Variants in GBF1 observed in about 807,000 individuals in gnomAD.
GBF1 encodes Golgi-specific brefeldin A-resistance guanine nucleotide exchange factor 1.
Under a neutral mutation model 210.5 loss-of-function variants are expected in GBF1, and 114 were observed. The ratio of observed to expected loss-of-function variants is 0.54; its 90% CI spans 0.47 to 0.63. The LOEUF is 0.63. Ranked by LOEUF, GBF1 falls within the 30% of genes least tolerant of loss-of-function variation. The pLI is 0.00. For synonymous variants in GBF1, 850 were observed against 889.2 expected, an observed-to-expected ratio of 0.96 and a Z score of 0.78; for missense variants, 1,851 against 2,357.7, an observed-to-expected ratio of 0.79 and a Z score of 4.45.
intron 3 of GBF1, among the ~76,000 whole-genome samples, chr10:102,308,166 A>G (rs146998586): frequency 2.0e-5 from 3 of 146,560 alleles, no homozygotes; most frequent in Non-Finnish European, 4.5e-5. Flanking sequence ...AAAGATGTTT[A>G]TGAGAATGTT....
rs111789697 is a variant in GBF1 at position 102,281,067 on chromosome 10, A to G, written c.163+20951A>G. On this transcript the variant is annotated intron_variant, in intron 3 of 39. Transcript: ENST00000369983. Reference sequence around the variant, plus strand: ...TGTTTCTACATTTGAAGTTGGGAGTAGAGATCAGATCTGTTTCAGCCAGTT... The same window carrying G: ...TGTTTCTACATTTGAAGTTGGGAGTGGAGATCAGATCTGTTTCAGCCAGTT... 6.6e-5 allele frequency among the ~76,000 whole-genome samples: 10 copies of G among 152,336 alleles called. 1 individual carries two copies. Among genetic ancestry groups the G allele is most frequent in the African/African-American group, 2.2e-4 (9 of 41,572 alleles).
the GBF1 span, among the ~76,000 whole-genome samples, chr10:102,233,120 T>C: frequency 6.6e-6 from 1 of 152,082 alleles, no homozygotes; most frequent in Non-Finnish European, 1.5e-5. Flanking sequence ...TATTATTTTA[T>C]TTTTCTGATC....
chr10:102,262,648 G>A (rs373674623), intron 3 of GBF1, among the ~76,000 whole-genome samples: 3 of 152,106 alleles, frequency 2.0e-5, no homozygotes, highest in African/African-American at 7.2e-5. Context: ...TCCTGACAGA[G>A]CCACATTTCC....
chr10:102,342,412 C>T (rs936634914), intron 3 of GBF1, among the ~76,000 whole-genome samples: 3 of 151,836 alleles, frequency 2.0e-5, no homozygotes, highest in African/African-American at 7.3e-5. Context: ...CACACACTCA[C>T]ACACAGACAC....
intron 3 of GBF1, among the ~76,000 whole-genome samples, chr10:102,301,592 G>T (rs1289137402): frequency 6.6e-6 from 1 of 152,156 alleles, no homozygotes; most frequent in African/African-American, 2.4e-5. Flanking sequence ...CTCAGACGGG[G>T]CGGCCGGGCA....
At chr10:102,244,877 G>A (rs903852926), upstream of GBF1, among the ~76,000 whole-genome samples, 14 of 152,150 alleles carry the variant, frequency 9.2e-5, no homozygotes, top group Admixed American at 8.5e-4. Flanking sequence ...TAGATATCCA[G>A]GGCTTCTGCT....
chr10:102,270,667 A>G (rs1015581661), intron 3 of GBF1, among the ~76,000 whole-genome samples: 1 of 152,210 alleles, frequency 6.6e-6, no homozygotes, highest in African/African-American at 2.4e-5. Context: ...ATGAATCCTA[A>G]ATAAGGATGT....
intron 4 of GBF1, among the ~76,000 whole-genome samples, chr10:102,348,885 C>T (rs2058750331): frequency 1.3e-5 from 2 of 152,190 alleles, no homozygotes; most frequent in Admixed American, 1.3e-4. Flanking sequence ...CACAGTGGCT[C>T]ACACCTGTAA....
At chr10:102,308,975 A>C (rs2078175958) in intron 3 of GBF1, among the ~76,000 whole-genome samples, 1 of 152,258 alleles carries the variant, frequency 6.6e-6, no homozygotes, top group South Asian at 2.1e-4. Context: ...GTGGTTTAAG[A>C]AGTTAGAATA....
intron 3 of GBF1, among the ~76,000 whole-genome samples, chr10:102,281,462 A>G (rs2075469958): frequency 6.6e-6 from 1 of 151,894 alleles, no homozygotes; most frequent in South Asian, 2.1e-4. Context: ...CTAGAACTTT[A>G]TAATTTATAA....
chr10:102,361,120 GGT>G lies in GBF1; in HGVS notation c.1491+2_1491+3del. 6.6e-7 allele frequency: 1 copy of G among 1,522,770 alleles called. No individual in the cohort carries two copies. Among genetic ancestry groups the G allele is most frequent in the Non-Finnish European group, 9.1e-7 (1 of 1,096,408 alleles). 94.3% of individuals were successfully genotyped at this position (1,522,770 alleles called of 1,614,324 possible). The stretch of plus-strand genomic sequence containing the variant: ...GAGAGCACCTCAAGTTCCAAATGGA[GGT>G]GAGTTTCTTGATGTGGAAAGAAAAG... On this transcript the variant is annotated splice_donor_variant, in intron 13 of 39. Transcript: ENST00000369983. LOFTEE classifies it high-confidence loss of function.
intron 33 of GBF1, among the ~76,000 whole-genome samples, chr10:102,378,632 C>T (rs895506144): frequency 2.0e-5 from 3 of 151,636 alleles, no homozygotes; most frequent in Non-Finnish European, 2.9e-5. Flanking sequence ...AAGACCCTGT[C>T]TCAAAAAATA....
chr10:102,236,023 AC>A, the GBF1 span, among the ~76,000 whole-genome samples: 1 of 152,156 alleles, frequency 6.6e-6, no homozygotes, highest in Non-Finnish European at 1.5e-5. Context: ...AAGGGACCTG[AC>A]CGTGAAACTG....
chr10:102,287,889 G>T (rs1184256455), intron 3 of GBF1, among the ~76,000 whole-genome samples: 1 of 152,188 alleles, frequency 6.6e-6, no homozygotes, highest in Non-Finnish European at 1.5e-5. Context: ...GGCTGGCCTT[G>T]CAGGAAGTTA....
chr10:102,382,548 G>T lies in GBF1; in HGVS notation c.*212G>T. On this transcript the variant is annotated 3_prime_UTR_variant, in exon 40 of 40. Coordinates refer to ENST00000369983, the MANE Select transcript of GBF1 (RefSeq NM_001377137.1). ...TTTTCCTCCTCTGCGCTCCATTCCT[G>T]GGGGTTCAGCCTGAGAGTGAACTCA... 1 of 517,690 alleles carries T rather than the reference G, an allele frequency of 1.9e-6. No homozygotes were observed. Among genetic ancestry groups the T allele is most frequent in the Non-Finnish European group, 3.4e-6 (1 of 295,216 alleles). 32.1% of individuals were successfully genotyped at this position (517,690 alleles called of 1,614,324 possible).
At chr10:102,295,373 T>C (rs1308594636) in intron 3 of GBF1, among the ~76,000 whole-genome samples, 1 of 152,224 alleles carries the variant, frequency 6.6e-6, no homozygotes, top group Non-Finnish European at 1.5e-5. Context: ...TTGCAATATA[T>C]GGACCTTGTT....
intron 3 of GBF1, among the ~76,000 whole-genome samples, chr10:102,343,100 A>G (rs1273757161): frequency 6.6e-6 from 1 of 152,198 alleles, no homozygotes; most frequent in African/African-American, 2.4e-5. Context: ...TTCTCTGCTA[A>G]CTCTAGGCAG....
rs56360033 is a variant in GBF1, at chr10:102,343,799, CAA to C, written c.164-236_164-235del. Among the ~76,000 whole-genome samples, 205 of 124,276 alleles carry C rather than the reference CAA, an allele frequency of 1.6e-3. 1 individual carries two copies. The highest frequency in any genetic ancestry group is 3.4e-3 in the Admixed American group (41 of 12,198). The allele number at this position is 124,276 out of a possible 152,430, so 81.5% of individuals were successfully genotyped here. On this transcript the variant is annotated intron_variant, in intron 3 of 39. Transcript: ENST00000369983. ...CACTCCAAAGCAGGACTCTGTCTGA[CAA>C]AAAAAAAAAAAAAAAGATAATATTG...
At chr10:102,342,409 T>TCA (rs1026095307) in intron 3 of GBF1, among the ~76,000 whole-genome samples, 3 of 146,460 alleles carry the variant, frequency 2.0e-5, no homozygotes, top group Non-Finnish European at 4.6e-5. Context: ...ACACACACAC[T>TCA]CACACACAGA....
Sources: gnomAD v4.1 joint callset for allele counts (sites outside exome capture counted in the v4.1 genomes callset) on GRCh38, gnomAD v4.1.1 for gene constraint, MANE v1.5 for transcripts, NCBI Gene and HGNC (gene_info 2026-07-23, HGNC 2026-07-21) for gene names.